Variants in KYNU observed in about 807,000 individuals in gnomAD.
KYNU encodes L-kynurenine hydrolase.
KYNU carries 54 observed loss-of-function variants against 59.2 expected under a neutral mutation model. The ratio of observed to expected loss-of-function variants is 0.91; its 90% confidence interval spans 0.73 to 1.14. KYNU has a LOEUF of 1.14. KYNU is among the 50% of genes most tolerant of loss of function. The pLI is 0.00. For missense variants in KYNU, 567 were observed against 554.4 expected (o/e 1.02, Z -0.23); for synonymous variants, 177 against 192.0 (o/e 0.92, Z 0.65).
chr2:142,989,355 C>T (rs922162790), intron 10 of KYNU: 20 of 999,426 alleles, frequency 2.0e-5, no homozygotes, highest in African/African-American at 1.2e-4. Flanking sequence ...TTTAGAGAGA[C>T]CAAAGAGTTT....
intron 10 of KYNU, among the ~76,000 whole-genome samples, chr2:143,024,431 G>A (rs1686495131): frequency 6.6e-6 from 1 of 151,948 alleles, no homozygotes; most frequent in Non-Finnish European, 1.5e-5. Context: ...TTCCAGTAAT[G>A]AAGAATTCAT....
intron 4 of KYNU, among the ~76,000 whole-genome samples, chr2:142,931,100 C>T (rs1315923559): frequency 2.0e-5 from 3 of 152,206 alleles, no homozygotes; most frequent in East Asian, 1.9e-4. Flanking sequence ...GGGTAGCTGT[C>T]TTTCGGTCGG....
intron 8 of KYNU, among the ~76,000 whole-genome samples, chr2:142,963,671 C>G (rs1157250154): frequency 2.6e-5 from 4 of 152,102 alleles, no homozygotes; most frequent in Non-Finnish European, 1.5e-5. Context: ...CTGGGGAGAC[C>G]AACATTTAGA....
At chr2:142,920,394 T>A (rs1682837930) in intron 3 of KYNU, among the ~76,000 whole-genome samples, 2 of 152,244 alleles carry the variant, frequency 1.3e-5, no homozygotes, top group South Asian at 4.1e-4. Context: ...ATTTGAACTT[T>A]ATAGAGTGTC....
intron 2 of KYNU, among the ~76,000 whole-genome samples, chr2:142,894,110 G>A (rs1342971930): frequency 2.0e-5 from 3 of 152,182 alleles, no homozygotes; most frequent in East Asian, 1.9e-4. Flanking sequence ...TGAAATCCTC[G>A]AAATACGAAG....
Position 142,953,609 on chromosome 2 carries a change from T to G in KYNU, c.374-1201T>G, listed in dbSNP as rs17193168. ...TCTATTTAGTATATCCAGGACAAATTTTATTTAGTTCTAGGAATATACAGT... is the reference window on the plus strand; with the variant it reads ...TCTATTTAGTATATCCAGGACAAATGTTATTTAGTTCTAGGAATATACAGT... On this transcript the variant is annotated intron_variant, in intron 4 of 13. Transcript: ENST00000264170. 5.3e-3 allele frequency among the ~76,000 whole-genome samples: 803 copies of G among 152,264 alleles called. 11 individuals are homozygous for G. The highest frequency in any genetic ancestry group is 0.019 in the African/African-American group (769 of 41,548).
chr2:143,029,510 C>T (rs1418483484), intron 10 of KYNU, 117 bp from the exon 11 acceptor site: 2 of 713,464 alleles, frequency 2.8e-6, no homozygotes. Context: ...CGCTTGAACC[C>T]AAGAGGCAGA....
intron 10 of KYNU, among the ~76,000 whole-genome samples, chr2:143,007,027 T>C (rs944302031): frequency 4.6e-5 from 7 of 152,198 alleles, no homozygotes; most frequent in Admixed American, 1.3e-4. Flanking sequence ...AACGCAGTTC[T>C]TCACCAGCAA....
chr2:143,043,381 A>T lies in KYNU; in HGVS notation c.*1209A>T, dbSNP rs532493142. On this transcript the variant is annotated 3_prime_UTR_variant, in exon 14 of 14. Coordinates refer to ENST00000264170, the MANE Select transcript of KYNU (RefSeq NM_003937.3). The stretch of plus-strand genomic sequence containing the variant: ...ATCATTATTTATAAGTTGACAAAAT[A>T]GTGTAGATTTGTATACATAGTCAAC... 3.9e-5 allele frequency: 6 copies of T among 152,158 alleles called. No homozygotes were observed. The highest frequency in any genetic ancestry group is 3.9e-4 in the Admixed American group (6 of 15,218). 9.4% of individuals were successfully genotyped at this position (152,158 alleles called of 1,614,324 possible).
intron 4 of KYNU, among the ~76,000 whole-genome samples, chr2:142,931,730 C>T (rs1019984499): frequency 3.3e-5 from 5 of 152,030 alleles, no homozygotes; most frequent in Non-Finnish European, 5.9e-5. Context: ...TCGTGAGTTG[C>T]GCTTTAAGTA....
At chr2:142,965,494 C>T (rs547703731) in intron 8 of KYNU, among the ~76,000 whole-genome samples, 13 of 152,272 alleles carry the variant, frequency 8.5e-5, no homozygotes, top group South Asian at 6.2e-4. Flanking sequence ...GTCTGAGTGC[C>T]ATCTCCCAAG....
chr2:142,896,620 C>T (rs749068978), intron 2 of KYNU, among the ~76,000 whole-genome samples: 12 of 152,000 alleles, frequency 7.9e-5, no homozygotes, highest in East Asian at 3.9e-4. Flanking sequence ...AATCATAGCT[C>T]ACTGCATCCT....
rs145690462 is a variant in KYNU, at chr2:142,895,010, T to C, written c.169+9474T>C. Among the ~76,000 whole-genome samples, 1,103 of 152,306 alleles carry C rather than the reference T, an allele frequency of 7.2e-3. 10 individuals carry two copies. Among genetic ancestry groups the C allele is most frequent in the African/African-American group, 0.024 (1,017 of 41,562 alleles). On this transcript the variant is annotated intron_variant, in intron 2 of 13. Transcript: ENST00000264170. ...GGACCATGATGTTCCCAGCATTTTA[T>C]TTTTTAATTTCATCCTAAGATCTGC... is the stretch of plus-strand genomic sequence containing the variant.
At chr2:142,984,456 T>A (rs922622320) in intron 8 of KYNU, among the ~76,000 whole-genome samples, 3 of 152,026 alleles carry the variant, frequency 2.0e-5, no homozygotes, top group Non-Finnish European at 1.5e-5. Flanking sequence ...GTTAAATACA[T>A]CACACATGTG....
chr2:143,036,531 C>T (rs1354117938), intron 12 of KYNU, among the ~76,000 whole-genome samples: 1 of 152,140 alleles, frequency 6.6e-6, no homozygotes, highest in Non-Finnish European at 1.5e-5. Context: ...CTGCTTGGAC[C>T]AGTATAAGCA....
chr2:143,014,338 G>A (rs1686193971), intron 10 of KYNU, among the ~76,000 whole-genome samples: 1 of 152,166 alleles, frequency 6.6e-6, no homozygotes, highest in Non-Finnish European at 1.5e-5. Context: ...ACCTGAATCA[G>A]GTATGAATCT....
intron 4 of KYNU, among the ~76,000 whole-genome samples, chr2:142,946,612 A>G (rs2105063730): frequency 6.6e-6 from 1 of 152,334 alleles, no homozygotes. Flanking sequence ...TGCTGTAAAT[A>G]GGTGGGCTGT....
At chr2:142,990,895 A>G (rs976581132) in intron 10 of KYNU, among the ~76,000 whole-genome samples, 3 of 151,890 alleles carry the variant, frequency 2.0e-5, no homozygotes, top group African/African-American at 7.2e-5. Context: ...CCTTTATTGT[A>G]AAGAGTAATT....
chr2:142,946,191 C>G (rs949529374), intron 4 of KYNU, among the ~76,000 whole-genome samples: 2 of 152,030 alleles, frequency 1.3e-5, no homozygotes, highest in Non-Finnish European at 2.9e-5. Flanking sequence ...TGGCAATTCT[C>G]TGGCCTCAGC....
Sources: gnomAD v4.1 joint callset for allele counts (sites outside exome capture counted in the v4.1 genomes callset) on GRCh38, gnomAD v4.1.1 for gene constraint, MANE v1.5 for transcripts, NCBI Gene and HGNC (gene_info 2026-07-23, HGNC 2026-07-21) for gene names.